Variants in ANKRD16 observed in about 807,000 individuals in gnomAD.
ANKRD16 encodes ankyrin repeat domain-containing protein 16.
Under a neutral mutation model 37.9 loss-of-function variants are expected in ANKRD16, and 35 were observed. That is an observed-to-expected ratio of 0.92 (90% CI 0.71 to 1.23). The LOEUF is 1.23. ANKRD16 is among the 50% of genes most tolerant of loss of function. ANKRD16 has a pLI of 0.00. For missense variants in ANKRD16, 480 were observed against 469.9 expected (o/e 1.02, Z -0.20); for synonymous variants, 206 against 197.2 (o/e 1.04, Z -0.37).
rs1450112389 is a variant in ANKRD16 at position 5,889,223 on chromosome 10, G to A, written c.132C>T (p.Ala44=). 3.8e-6 allele frequency: 6 copies of A among 1,593,350 alleles called. No individual in the cohort carries two copies. The highest frequency in any genetic ancestry group is 5.1e-6 in the Non-Finnish European group (6 of 1,177,706). ...GPAGDTLLHC[A]ARHGHRDVLA... is the part of the protein sequence containing the mutation. ...GCACGTCCCGATGCCCGTGGCGCGC[G>A]GCGCAGTGCAGGAGGGTATCCCCGG... Residue 44 remains alanine (A), a synonymous_variant, in exon 1 of 8, where the codon GCC becomes GCT. Coordinates refer to ENST00000380094, the MANE Select transcript of ANKRD16 (RefSeq NM_019046.3).
rs1841991478 is a variant in ANKRD16, at chr10:5,864,832, C to G, written c.*34-2141G>C. On this transcript the variant is annotated intron_variant, in intron 7 of 7. Coordinates refer to ENST00000380094, the MANE Select transcript of ANKRD16 (RefSeq NM_019046.3). This position sits in a 1 kb window ranked among gnomAD's most constrained non-coding sequence, Gnocchi z 4.4. ...AATTATTTGATGATGTCCACCATAA[C>G]TCAGGGAAAGGAAGAAAATCCTTCT... Among the ~76,000 whole-genome samples, 3 of 152,208 alleles carry G rather than the reference C, an allele frequency of 2.0e-5. No homozygotes were observed. Among genetic ancestry groups the G allele is most frequent in the African/African-American group, 7.2e-5 (3 of 41,436 alleles).
chr10:5,883,496 T>C (rs1842354798), intron 4 of ANKRD16, among the ~76,000 whole-genome samples: 1 of 152,178 alleles, frequency 6.6e-6, no homozygotes, highest in Non-Finnish European at 1.5e-5. Context: ...GGTTTTAACA[T>C]GTTGGCTAGG....
rs185814926 is a variant in ANKRD16, at chr10:5,883,099, G to A, written c.756C>T (p.Asp252=). 2.2e-5 allele frequency: 36 copies of A among 1,614,050 alleles called. No individual in the cohort carries two copies. Among genetic ancestry groups the A allele is most frequent in the Admixed American group, 1.7e-4 (10 of 60,018 alleles). Residue 252 remains aspartate (D), a synonymous_variant, in exon 5 of 8, where the codon GAC becomes GAT. Transcript: ENST00000380094. ...ALHRAAVTGQ[D]EAIRFLVSEL... is the part of the protein sequence containing the mutation. ...CAGAGACCAAGAATCGGATGGCTTC[G>A]TCCTGCCCTGTGACAGCTGCCCTGT...
At position 5,889,646 on chromosome 10, in the gene ANKRD16, G is replaced by A; in HGVS notation, c.-292C>T. On this transcript the variant is annotated 5_prime_UTR_variant, in exon 1 of 8. Coordinates refer to ENST00000380094, the MANE Select transcript of ANKRD16 (RefSeq NM_019046.3). ...GCGGTTTTTCCTCAGGGACGGAGCG[G>A]TCCGGGATGAGCACGGAGGGGCCTG... 1 of 192,822 alleles carries A rather than the reference G, an allele frequency of 5.2e-6. No individual in the cohort carries two copies. The highest frequency in any genetic ancestry group is 6.0e-5 in the Admixed American group (1 of 16,564). 11.9% of individuals were successfully genotyped at this position (192,822 alleles called of 1,614,324 possible).
chr10:5,873,421 G>A lies in ANKRD16; in HGVS notation c.*33+4676C>T, dbSNP rs188131767. Among the ~76,000 whole-genome samples the A allele has an allele frequency of 3.7e-3, 566 of 152,028 alleles. 3 individuals are homozygous for A. The highest frequency in any genetic ancestry group is 0.013 in the African/African-American group (532 of 41,458). On this transcript the variant is annotated intron_variant, in intron 7 of 7. Transcript: ENST00000380094. ...ACTCCTGACCTCAAGTGATCTGCCC[G>A]CCTCGGCCTCCCAAAGTGCTGGGAT...
At chr10:5,888,767 A>G (rs112540273) in intron 1 of ANKRD16, among the ~76,000 whole-genome samples, 2 of 152,186 alleles carry the variant, frequency 1.3e-5, no homozygotes, top group African/African-American at 2.4e-5. Context: ...GTTTGGTAAC[A>G]TTCTCTTTGG....
intron 5 of ANKRD16, 77 bp downstream of exon 5, chr10:5,882,929 C>T (rs1842341858): frequency 1.3e-6 from 2 of 1,499,538 alleles, no homozygotes; most frequent in African/African-American, 2.8e-5. Context: ...TCAAAGAAAC[C>T]AGGCTGCAGA....
chr10:5,881,438 TTATATATATATATATATATA>T (rs869185709), intron 5 of ANKRD16, among the ~76,000 whole-genome samples: 10 of 51,018 alleles, frequency 2.0e-4, no homozygotes, highest in Middle Eastern at 0.012. Context: ...AAAATATTAT[TTATATATATATATATATATA>T]TATATATATA....
At chr10:5,880,849 T>G (rs988348197) in intron 5 of ANKRD16, among the ~76,000 whole-genome samples, 2 of 152,220 alleles carry the variant, frequency 1.3e-5, no homozygotes, top group African/African-American at 4.8e-5. Flanking sequence ...GTTGGGGGTC[T>G]TACGTTTTTA....
chr10:5,875,286 TAA>T (rs1338849663), intron 7 of ANKRD16, among the ~76,000 whole-genome samples: 1 of 152,216 alleles, frequency 6.6e-6, no homozygotes, highest in African/African-American at 2.4e-5. Flanking sequence ...TCGCATTTAC[TAA>T]GTGCTCAATG....
At chr10:5,885,268 C>T (rs1184447870) in intron 3 of ANKRD16, among the ~76,000 whole-genome samples, 1 of 152,098 alleles carries the variant, frequency 6.6e-6, no homozygotes, top group Non-Finnish European at 1.5e-5. Context: ...GCAAGCTCCG[C>T]CTCTTGGGTT....
In ANKRD16 at chr10:5,869,312, A is replaced by G. The variant is rs1842056406; in HGVS notation, c.*34-6621T>C. On this transcript the variant is annotated intron_variant, in intron 7 of 7. Transcript: ENST00000380094. This position sits in a 1 kb window ranked among gnomAD's most constrained non-coding sequence, Gnocchi z 4.0. ...GGATGTGCAGCTTTGTGTACCAATT[A>G]TACCTCAGTAAAACCATTACAAAAA... Among the ~76,000 whole-genome samples the G allele has an allele frequency of 6.6e-6, 1 of 152,202 alleles. No individual in the cohort carries two copies. The highest frequency in any genetic ancestry group is 6.5e-5 in the Admixed American group (1 of 15,286).
At chr10:5,875,857 C>T (rs868199179) in intron 7 of ANKRD16, among the ~76,000 whole-genome samples, 103 of 151,794 alleles carry the variant, frequency 6.8e-4, no homozygotes, top group African/African-American at 2.4e-3. Flanking sequence ...GGATTACAGG[C>T]GCCTGCCACC....
Position 5,889,055 on chromosome 10 carries a change from C to T in ANKRD16, c.300G>A (p.Leu100=). The T allele has an allele frequency of 1.3e-6, 2 of 1,551,362 alleles. No homozygotes were observed. Among genetic ancestry groups the T allele is most frequent in the Non-Finnish European group, 8.7e-7 (1 of 1,155,170 alleles). The part of the protein sequence containing the change: ...LLGRGAAVDC[L]KKADWTPLMM... Reference sequence around the variant, plus strand: ...TCCACACCTACCAGTCGGCCTTCTTCAGGCAGTCGACCGCTGCCCCCCGGC... The same window carrying T: ...TCCACACCTACCAGTCGGCCTTCTTTAGGCAGTCGACCGCTGCCCCCCGGC... Residue 100 remains leucine, a synonymous_variant, in exon 1 of 8, where the codon CTG becomes CTA. Coordinates refer to ENST00000380094, the MANE Select transcript of ANKRD16 (RefSeq NM_019046.3).
At chr10:5,880,409 G>A (rs759535065) in intron 5 of ANKRD16, 33 bp from the exon 6 acceptor site, 4 of 1,425,360 alleles carry the variant, frequency 2.8e-6, no homozygotes, top group Admixed American at 2.2e-5. Context: ...TCACTGTGAT[G>A]AGGATAAAAG....
At chr10:5,883,912 T>C in intron 4 of ANKRD16, 57 bp downstream of exon 4, 1 of 1,498,764 alleles carries the variant, frequency 6.7e-7, no homozygotes, top group Non-Finnish European at 9.2e-7. Flanking sequence ...CTGCTTAACC[T>C]GTGACCTAAA....
intron 7 of ANKRD16, among the ~76,000 whole-genome samples, chr10:5,872,649 T>TG (rs1265557107): frequency 1.3e-5 from 2 of 150,374 alleles, no homozygotes; most frequent in Non-Finnish European, 1.5e-5. Flanking sequence ...CTCCACCTCC[T>TG]GGATTCACGC....
intron 3 of ANKRD16, 82 bp downstream of exon 3, chr10:5,885,641 T>A: frequency 6.8e-7 from 1 of 1,477,548 alleles, no homozygotes. Context: ...TAAAAATGTG[T>A]CTGAGCTCTT....
intron 7 of ANKRD16, among the ~76,000 whole-genome samples, chr10:5,876,861 G>A (rs912494410): frequency 1.3e-5 from 2 of 151,578 alleles, no homozygotes; most frequent in African/African-American, 4.8e-5. Context: ...CAGAGAGAAG[G>A]ATCAAAAAAG....
Sources: allele counts gnomAD v4.1 joint callset (sites outside exome capture counted in the v4.1 genomes callset), GRCh38; gene constraint gnomAD v4.1.1; non-coding constraint Gnocchi (gnomAD v3.1); transcripts MANE v1.5; gene names NCBI Gene and HGNC (gene_info 2026-07-23, HGNC 2026-07-21).